AMACR: variants seen among roughly 807,000 people sequenced by gnomAD.
The protein encoded by AMACR is alpha-methylacyl-CoA racemase.
A neutral mutation model predicts 22.2 loss-of-function variants in AMACR; 18 were observed. The observed-to-expected ratio is 0.81, with a 90% CI of 0.56 to 1.20. The LOEUF (loss-of-function observed/expected upper bound fraction) is 1.20. Ranked by LOEUF, AMACR falls within the 50% of genes most tolerant of loss-of-function variation. AMACR has a pLI of 0.00. For synonymous variants in AMACR, 213 were observed against 191.3 expected (o/e 1.11, Z -0.94); for missense variants, 499 against 490.6 (o/e 1.02, Z -0.16).
chr5:34,000,277 T>C (rs1388429525), intron 3 of AMACR, among the ~76,000 whole-genome samples: 5 of 152,312 alleles, frequency 3.3e-5, no homozygotes, highest in East Asian at 3.9e-4. Flanking sequence ...GCCGAATCAA[T>C]AGGGCGGTAA....
chr5:34,004,108 C>T (rs144675157), intron 3 of AMACR, among the ~76,000 whole-genome samples: 522 of 152,282 alleles, frequency 3.4e-3, no homozygotes, highest in Non-Finnish European at 5.7e-3. Context: ...CCCTATAAAA[C>T]GCAGCAGGAA....
chr5:33,998,748 T>G lies in AMACR; in HGVS notation c.632A>C (p.Asn211Thr), dbSNP rs889950428. The change falls in exon 4 of 5, where the codon AAC becomes ACC. Residue 211 changes from asparagine (N) to threonine (T), a missense_variant. Transcript: ENST00000335606. ...GAAAGGTGCTCCACCATCCAACATG[T>G]TCTGTCCTCGAGGTGCTTCCCACAG... The part of the protein sequence containing the change: ...LSLWEAPRGQ[N>T]MLDGGAPFYT... 7 of 1,613,990 alleles carry G rather than the reference T, an allele frequency of 4.3e-6. No individual in the cohort carries two copies. Among genetic ancestry groups the G allele is most frequent in the Non-Finnish European group, 5.9e-6 (7 of 1,180,012 alleles).
chr5:34,002,889 C>T (rs1427546548), intron 3 of AMACR, among the ~76,000 whole-genome samples: 1 of 152,180 alleles, frequency 6.6e-6, no homozygotes, highest in Non-Finnish European at 1.5e-5. Flanking sequence ...ATGACAGTGT[C>T]CCACAGGCAC....
In AMACR at chr5:34,005,744, T is replaced by C; in HGVS notation, c.391+12A>G. On this transcript the variant is annotated intron_variant, in intron 2 of 4. Coordinates refer to ENST00000335606, the MANE Select transcript of AMACR (RefSeq NM_014324.6). ...AAATTAAAAGTGTAGACTAAATTTT[T>C]TTTCAACATACCTGACAAAGCCAAA... 6.2e-7 allele frequency: 1 copy of C among 1,613,932 alleles called. No individual in the cohort carries two copies. The highest frequency in any genetic ancestry group is 8.5e-7 in the Non-Finnish European group (1 of 1,180,014).
chr5:33,997,165 A>G (rs941766065), intron 4 of AMACR: 3 of 747,720 alleles, frequency 4.0e-6, no homozygotes, highest in Non-Finnish European at 5.0e-6. Flanking sequence ...TGTCTTAGCA[A>G]TTCTGCTGTT....
intron 3 of AMACR, among the ~76,000 whole-genome samples, chr5:34,001,929 A>G (rs1004999142): frequency 3.4e-4 from 51 of 152,208 alleles, no homozygotes; most frequent in African/African-American, 1.2e-3. Context: ...CTAGCCCCTA[A>G]TGGAAATATG....
chr5:33,993,089 C>A (rs1036689985), intron 4 of AMACR, among the ~76,000 whole-genome samples: 1 of 152,152 alleles, frequency 6.6e-6, no homozygotes, highest in Non-Finnish European at 1.5e-5. Flanking sequence ...GCTCCTACCT[C>A]CCCACAGCCT....
intron 1 of AMACR, 117 bp downstream of exon 1, chr5:34,007,656 G>A: frequency 5.0e-6 from 7 of 1,389,722 alleles, no homozygotes; most frequent in Non-Finnish European, 6.6e-6. Flanking sequence ...GGCTGGGGCC[G>A]ACAAGGGTTC....
Position 33,989,312 on chromosome 5 carries a change from CTTG to C in AMACR, c.927_929del (p.Asn309del), listed in dbSNP as rs764967392. On this transcript the variant is annotated inframe_deletion, in exon 5 of 5. Coordinates refer to ENST00000335606, the MANE Select transcript of AMACR (RefSeq NM_014324.6). ...CACTGGTGATAAACGAGCCCCGTTC[CTTG>C]TTGTGATCATGATGAACAACCTCCT... The C allele has an allele frequency of 1.9e-6, 3 of 1,614,010 alleles. No homozygotes were observed. Among genetic ancestry groups the C allele is most frequent in the African/African-American group, 1.3e-5 (1 of 74,902 alleles).
intron 4 of AMACR, chr5:33,997,685 A>G: frequency 1.5e-6 from 1 of 653,542 alleles, no homozygotes; most frequent in Non-Finnish European, 2.8e-6. Context: ...ATTTCTGGAC[A>G]GAGAGGTACC....
chr5:33,998,763 G>A lies in AMACR; in HGVS notation c.617C>T (p.Ala206Val), dbSNP rs1008503677. The A allele has an allele frequency of 1.6e-5, 26 of 1,613,954 alleles. No individual in the cohort carries two copies. Among genetic ancestry groups the A allele is most frequent in the Non-Finnish European group, 1.9e-5 (23 of 1,180,010 alleles). The change falls in exon 4 of 5, where the codon GCA becomes GTA. Residue 206 changes from alanine (A) to valine (V), a missense_variant. Ala to Val is a moderately conservative substitution (Grantham distance 64, BLOSUM62 0). Coordinates refer to ENST00000335606, the MANE Select transcript of AMACR (RefSeq NM_014324.6). Reference sequence around the variant, plus strand: ...ATCCAACATGTTCTGTCCTCGAGGTGCTTCCCACAGACTCAATTTCTGAGT... The same window carrying A: ...ATCCAACATGTTCTGTCCTCGAGGTACTTCCCACAGACTCAATTTCTGAGT... ...WKTQKLSLWE[A>V]PRGQNMLDGG... is the part of the protein sequence containing the mutation.
Position 34,007,974 on chromosome 5 carries a change from G to A in AMACR, c.46C>T (p.Pro16Ser), listed in dbSNP as rs1248450865. Residue 16 changes from proline to serine, a missense_variant, in exon 1 of 5, where the codon CCG (proline) becomes TCG (serine). Pro to Ser is a moderately conservative substitution (Grantham distance 74, BLOSUM62 -1). Transcript: ENST00000335606. Reference sequence around the variant, plus strand: ...AGGACCATAGCACAGAACGGGCCCGGGGCCAGGCCGGACAGCTCCACGACC... The same window carrying A: ...AGGACCATAGCACAGAACGGGCCCGAGGCCAGGCCGGACAGCTCCACGACC... ...ISVVELSGLA[P>S]GPFCAMVLAD... 6.2e-7 allele frequency: 1 copy of A among 1,611,514 alleles called. No individual in the cohort carries two copies. Among genetic ancestry groups the A allele is most frequent in the Non-Finnish European group, 8.5e-7 (1 of 1,179,636 alleles).
chr5:33,989,568 G>A, intron 4 of AMACR, 66 bp from the exon 5 acceptor site: 2 of 1,329,552 alleles, frequency 1.5e-6, no homozygotes, highest in Non-Finnish European at 2.2e-6. Context: ...CAATAAAAAT[G>A]AATGCTGAGC....
At chr5:34,002,773 A>T (rs1208281062) in intron 3 of AMACR, among the ~76,000 whole-genome samples, 3 of 152,174 alleles carry the variant, frequency 2.0e-5, no homozygotes, top group Non-Finnish European at 4.4e-5. Flanking sequence ...TGCAGCGACT[A>T]TGCCATGAGT....
chr5:34,003,629 G>C (rs1753884224), intron 3 of AMACR, among the ~76,000 whole-genome samples: 1 of 152,188 alleles, frequency 6.6e-6, no homozygotes, highest in African/African-American at 2.4e-5. Context: ...GACACTAGCA[G>C]GTCATCTAAG....
chr5:33,988,967 C>CTTTTTTTTTTTTTTTTTTTTTT lies in AMACR; in HGVS notation c.*125_*126insAAAAAAAAAAAAAAAAAAAAAA. On this transcript the variant is annotated 3_prime_UTR_variant, in exon 5 of 5. Transcript: ENST00000335606. ...CACTGTAGAATCAGAGTCTGTAATT[C>CTTTTTTTTTTTTTTTTTTTTTT]TTTTCTTGATTAGAGTGGTAGGACA... is the stretch of plus-strand genomic sequence containing the variant. The CTTTTTTTTTTTTTTTTTTTTTT allele has an allele frequency of 1.3e-6, 2 of 1,514,636 alleles. No homozygotes were observed. Among genetic ancestry groups the CTTTTTTTTTTTTTTTTTTTTTT allele is most frequent in the South Asian group, 2.5e-5 (2 of 78,554 alleles). 93.8% of individuals were successfully genotyped at this position (1,514,636 alleles called of 1,614,324 possible).
chr5:34,006,693 T>C (rs930009378), intron 1 of AMACR, among the ~76,000 whole-genome samples: 2 of 152,226 alleles, frequency 1.3e-5, no homozygotes, highest in Non-Finnish European at 2.9e-5. Flanking sequence ...TCTTAAATTA[T>C]TACATAATCT....
chr5:33,997,291 A>C (rs902419065), intron 4 of AMACR: 3 of 772,812 alleles, frequency 3.9e-6, no homozygotes, highest in African/African-American at 3.4e-5. Context: ...TCTGTGAAGG[A>C]AACTGAAGCA....
At chr5:33,991,594 C>G (rs1753475549) in intron 4 of AMACR, among the ~76,000 whole-genome samples, 1 of 152,108 alleles carries the variant, frequency 6.6e-6, no homozygotes, top group Non-Finnish European at 1.5e-5. Flanking sequence ...ACACGTTACA[C>G]AAAATGCTTA....
Sources: gnomAD v4.1 joint callset for allele counts (sites outside exome capture counted in the v4.1 genomes callset) on GRCh38, gnomAD v4.1.1 for gene constraint, MANE v1.5 for transcripts, NCBI Gene and HGNC (gene_info 2026-07-23, HGNC 2026-07-21) for gene names.